SWAP70: variants seen among roughly 807,000 people sequenced by gnomAD.
SWAP70 encodes switch-associated protein 70.
In SWAP70, 34 loss-of-function variants were observed where a neutral mutation model predicts 80.2. The observed-to-expected ratio is 0.42, with a 90% confidence interval of 0.32 to 0.56. SWAP70 has a LOEUF of 0.56. SWAP70 is among the 20% of genes least tolerant of loss of function. SWAP70 has a pLI of 0.09. For synonymous variants in SWAP70, 239 were observed against 238.5 expected (o/e 1.00, Z -0.02); for missense variants, 578 against 690.7 (o/e 0.84, Z 1.83).
chr11:9,674,302 A>G (rs1428889793), intron 1 of SWAP70, among the ~76,000 whole-genome samples: 3 of 152,132 alleles, frequency 2.0e-5, no homozygotes, highest in African/African-American at 4.8e-5. Context: ...GAAAACCTAT[A>G]TATATTTATC....
intron 3 of SWAP70, among the ~76,000 whole-genome samples, chr11:9,714,807 ATTTTTTTTT>A (rs71034737): frequency 0.24 from 31,032 of 127,708 alleles, 4,421 homozygotes; most frequent in Non-Finnish European, 0.33. Context: ...CCAAAAGGGG[ATTTTTTTTT>A]TTTTTTTTTT....
chr11:9,669,708 G>A (rs75084769), intron 1 of SWAP70, among the ~76,000 whole-genome samples: 3,193 of 152,230 alleles, frequency 0.021, 97 homozygotes, highest in African/African-American at 0.072. Context: ...GTTATTGCTG[G>A]TGATAAAGCT....
intron 2 of SWAP70, among the ~76,000 whole-genome samples, chr11:9,707,578 CAG>C (rs1297191971): frequency 6.1e-5 from 8 of 130,736 alleles, no homozygotes; most frequent in Non-Finnish European, 1.1e-4. Context: ...TTTTTTGAGA[CAG>C]AGTCTCACCC....
intron 6 of SWAP70, 90 bp downstream of exon 6, chr11:9,729,541 C>CG: frequency 1.0e-6 from 1 of 980,226 alleles, no homozygotes; most frequent in South Asian, 1.4e-5. Context: ...CTCTGTTGCC[C>CG]GGGCTGTAGT....
chr11:9,693,834 C>T (rs1850723132), intron 1 of SWAP70, among the ~76,000 whole-genome samples: 1 of 152,030 alleles, frequency 6.6e-6, no homozygotes, highest in South Asian at 2.1e-4. Flanking sequence ...CCCCCCCACC[C>T]CACTTTTCTT....
Position 9,751,520 on chromosome 11 carries a change from A to G in SWAP70, c.*1550A>G, listed in dbSNP as rs910781868. 6.6e-6 allele frequency: 1 copy of G among 152,242 alleles called. No individual in the cohort carries two copies. Among genetic ancestry groups the G allele is most frequent in the Non-Finnish European group, 1.5e-5 (1 of 68,036 alleles). The allele number at this position is 152,242 out of a possible 1,614,324, so 9.4% of individuals were successfully genotyped here. On this transcript the variant is annotated 3_prime_UTR_variant, in exon 12 of 12. Transcript: ENST00000318950. ...TCAGTTGTTGCAAAAAAAGGGCAGA[A>G]TTCAGTAGAATAAAGTCCTTTTCTC...
intron 1 of SWAP70, among the ~76,000 whole-genome samples, chr11:9,674,619 G>C (rs909491830): frequency 6.6e-6 from 1 of 152,154 alleles, no homozygotes; most frequent in African/African-American, 2.4e-5. Context: ...AGTGAGCTGA[G>C]ATAGTGCCAC....
intron 1 of SWAP70, among the ~76,000 whole-genome samples, chr11:9,670,066 G>T (rs946454187): frequency 2.0e-5 from 3 of 152,206 alleles, no homozygotes; most frequent in Non-Finnish European, 4.4e-5. Flanking sequence ...GGCGGAGGTT[G>T]CAGTGAGCCG....
At chr11:9,688,882 G>A (rs924851885) in intron 1 of SWAP70, among the ~76,000 whole-genome samples, 2 of 152,118 alleles carry the variant, frequency 1.3e-5, no homozygotes, top group African/African-American at 4.8e-5. Context: ...AGTAGACAAT[G>A]CTTTTAAGGC....
At chr11:9,701,452 G>A (rs1000155862) in intron 2 of SWAP70, among the ~76,000 whole-genome samples, 2 of 151,782 alleles carry the variant, frequency 1.3e-5, no homozygotes, top group Non-Finnish European at 2.9e-5. Flanking sequence ...GATTATAGGC[G>A]TGAGCCACTG....
chr11:9,679,526 G>A (rs111999416), intron 1 of SWAP70, among the ~76,000 whole-genome samples: 4,744 of 152,254 alleles, frequency 0.031, 97 homozygotes, highest in Non-Finnish European at 0.045. Context: ...CTCAGTGATC[G>A]TCTTCAGTGA....
chr11:9,685,445 C>G (rs1340806186), intron 1 of SWAP70, among the ~76,000 whole-genome samples: 5 of 152,090 alleles, frequency 3.3e-5, no homozygotes. Context: ...GATCAAGATG[C>G]TAGCAGATTG....
In SWAP70 at chr11:9,671,387, T is replaced by A. The variant is rs1850381054; in HGVS notation, c.99+7109T>A. On this transcript the variant is annotated intron_variant, in intron 1 of 11. Transcript: ENST00000318950. The stretch of plus-strand genomic sequence containing the variant: ...AAAATAAAATAAAAATAAAAATATA[T>A]AAATATATATAAATATATAAAAATA... Among the ~76,000 whole-genome samples, 4 of 104,054 alleles carry A rather than the reference T, an allele frequency of 3.8e-5. No individual in the cohort carries two copies. In the Admixed American group the frequency reaches 3.9e-4, roughly 10 times the overall value. 68.3% of individuals were successfully genotyped at this position (104,054 alleles called of 152,430 possible).
At chr11:9,704,716 T>C (rs887398437) in intron 2 of SWAP70, among the ~76,000 whole-genome samples, 2 of 152,176 alleles carry the variant, frequency 1.3e-5, no homozygotes, top group African/African-American at 4.8e-5. Context: ...TTCCCCTTTA[T>C]TGGAGCATTT....
At chr11:9,729,630 C>A (rs774263149) in intron 6 of SWAP70, among the ~76,000 whole-genome samples, 179 bp downstream of exon 6, 1 of 152,066 alleles carries the variant, frequency 6.6e-6, no homozygotes, top group Non-Finnish European at 1.5e-5. Context: ...TCCAGAGTAG[C>A]TGGGACTATA....
chr11:9,706,333 G>A (rs931092656), intron 2 of SWAP70, among the ~76,000 whole-genome samples: 9 of 147,198 alleles, frequency 6.1e-5, no homozygotes, highest in Non-Finnish European at 1.2e-4. Flanking sequence ...GGTGATCTGT[G>A]TATACTTGGT....
chr11:9,700,296 C>T (rs1850815048), intron 2 of SWAP70, among the ~76,000 whole-genome samples: 1 of 152,098 alleles, frequency 6.6e-6, no homozygotes, highest in Non-Finnish European at 1.5e-5. Context: ...ATTGCTTAGC[C>T]ACCTGGAGTG....
chr11:9,700,258 G>T (rs1440281808), intron 2 of SWAP70, among the ~76,000 whole-genome samples: 1 of 152,182 alleles, frequency 6.6e-6, no homozygotes, highest in Non-Finnish European at 1.5e-5. Context: ...GAATGAGGAT[G>T]TGATGGAACA....
chr11:9,725,561 ATATATATATTTTT>A (rs1801385088), intron 4 of SWAP70, among the ~76,000 whole-genome samples: 1 of 16,122 alleles, frequency 6.2e-5, no homozygotes, highest in Non-Finnish European at 1.1e-4. Flanking sequence ...ATATATATAT[ATATATATATTTTT>A]TTTTTTTTTT....
Sources: allele counts gnomAD v4.1 joint callset (sites outside exome capture counted in the v4.1 genomes callset), GRCh38; gene constraint gnomAD v4.1.1; transcripts MANE v1.5; gene names NCBI Gene and HGNC (gene_info 2026-07-23, HGNC 2026-07-21).